GRM8: variants seen among roughly 807,000 people sequenced by gnomAD.
GRM8 encodes glutamate metabotropic receptor 8.
GRM8 carries 47 observed loss-of-function variants against 87.2 expected under a neutral mutation model. The ratio of observed to expected loss-of-function variants is 0.54; its 90% CI spans 0.43 to 0.69. GRM8 has a LOEUF of 0.69. Ranked by LOEUF, GRM8 falls within the 30% of genes least tolerant of loss-of-function variation. GRM8 has a pLI of 0.00. For synonymous variants in GRM8, 396 were observed against 404.5 expected (o/e 0.98, Z 0.25); for missense variants, 1,019 against 1,139.2 (o/e 0.89, Z 1.52).
chr7:126,458,522 A>G (rs537025515), intron 9 of GRM8, among the ~76,000 whole-genome samples: 4 of 151,440 alleles, frequency 2.6e-5, no homozygotes, highest in Admixed American at 2.6e-4. Flanking sequence ...GGATAGACAA[A>G]TCCATAACCA....
At chr7:126,794,676 G>C (rs1168922584) in intron 6 of GRM8, among the ~76,000 whole-genome samples, 2 of 152,202 alleles carry the variant, frequency 1.3e-5, no homozygotes, top group African/African-American at 4.8e-5. Context: ...AAAAGAAATA[G>C]CAGTGCTTGT....
intron 9 of GRM8, among the ~76,000 whole-genome samples, chr7:126,469,284 T>A (rs528941970): frequency 6.6e-6 from 1 of 152,172 alleles, no homozygotes; most frequent in Non-Finnish European, 1.5e-5. Context: ...AGTGAAACTA[T>A]TATCTGTATT....
chr7:126,738,525 T>C (rs1814506071), intron 7 of GRM8, among the ~76,000 whole-genome samples: 1 of 148,276 alleles, frequency 6.7e-6, no homozygotes, highest in South Asian at 2.2e-4. Flanking sequence ...AGAGAAGAAA[T>C]AGGTGTGAAG....
chr7:126,803,665 C>T (rs1195619413), intron 6 of GRM8, among the ~76,000 whole-genome samples: 2 of 152,172 alleles, frequency 1.3e-5, no homozygotes, highest in Non-Finnish European at 2.9e-5. Flanking sequence ...TATGACTCCA[C>T]AAACCAAGTA....
chr7:126,886,375 T>A (rs1045577825), intron 6 of GRM8, among the ~76,000 whole-genome samples: 1 of 152,166 alleles, frequency 6.6e-6, no homozygotes, highest in African/African-American at 2.4e-5. Context: ...TTTTCAATTT[T>A]TTCTCCTATG....
At chr7:126,536,227 A>G (rs867321711) in intron 8 of GRM8, among the ~76,000 whole-genome samples, 8 of 152,214 alleles carry the variant, frequency 5.3e-5, no homozygotes, top group African/African-American at 1.9e-4. Context: ...TTCCTTCATC[A>G]TTCTTATGGT....
In GRM8 at chr7:126,510,511, C is replaced by A. The variant is rs111806579; in HGVS notation, c.2430+22441G>T. Among the ~76,000 whole-genome samples, 1,438 of 151,856 alleles carry A rather than the reference C, an allele frequency of 9.5e-3. 26 individuals are homozygous for A. The highest frequency in any genetic ancestry group is 0.032 in the African/African-American group (1,346 of 41,430). Reference sequence around the variant, plus strand: ...TATTGAACATTTAAAATGGAAAAAACCAGAATATCTGAAGGACTTTTGAAG... The same window carrying A: ...TATTGAACATTTAAAATGGAAAAAAACAGAATATCTGAAGGACTTTTGAAG... On this transcript the variant is annotated intron_variant, in intron 9 of 10. Coordinates refer to ENST00000339582, the MANE Select transcript of GRM8 (RefSeq NM_000845.3).
intron 3 of GRM8, among the ~76,000 whole-genome samples, chr7:126,960,912 G>A (rs913756249): frequency 1.3e-5 from 2 of 152,242 alleles, no homozygotes; most frequent in South Asian, 2.1e-4. Context: ...ATTCAGCAAA[G>A]AACATTCCCA....
At chr7:126,634,701 AT>A (rs1388674135) in intron 7 of GRM8, among the ~76,000 whole-genome samples, 1 of 151,730 alleles carries the variant, frequency 6.6e-6, no homozygotes, top group African/African-American at 2.4e-5. Flanking sequence ...GAGATTGTAC[AT>A]TTTCATCATC....
At chr7:126,840,886 A>G (rs958162500) in intron 6 of GRM8, among the ~76,000 whole-genome samples, 3 of 152,366 alleles carry the variant, frequency 2.0e-5, no homozygotes, top group African/African-American at 7.2e-5. Context: ...TCTTGCCCCT[A>G]TCAGAGGAAG....
chr7:126,892,243 T>C (rs1419846051), intron 6 of GRM8, among the ~76,000 whole-genome samples: 5 of 151,962 alleles, frequency 3.3e-5, no homozygotes, highest in Admixed American at 6.6e-5. Context: ...GCTGCACCCA[T>C]TAACTCGTCA....
chr7:126,853,047 T>C (rs553237968), intron 6 of GRM8, among the ~76,000 whole-genome samples: 1 of 152,194 alleles, frequency 6.6e-6, no homozygotes. Flanking sequence ...TTGTGATGGA[T>C]GGAATGTTTC....
chr7:126,904,656 T>G lies in GRM8; in HGVS notation c.755A>C (p.Lys252Thr), dbSNP rs201597242. The change falls in exon 4 of 11, where the codon AAA becomes ACA. Residue 252 changes from lysine (K) to threonine (T), a missense_variant. Coordinates refer to ENST00000339582, the MANE Select transcript of GRM8 (RefSeq NM_000845.3). ...TCCAGGTCTTGGTTCACGTGGGATT[T>G]TCTGTGACTGAGCAATGCAAACACC... is the stretch of plus-strand genomic sequence containing the variant. Reference protein sequence around the residue: ...IGGVCIAQSQKIPREPRPGEF... With the variant: ...IGGVCIAQSQTIPREPRPGEF... 8 of 1,613,772 alleles carry G rather than the reference T, an allele frequency of 5.0e-6. No homozygotes were observed. In the Admixed American group the frequency reaches 1.0e-4, roughly 20 times the overall value.
At chr7:127,152,952 T>C (rs1401279688) in intron 2 of GRM8, among the ~76,000 whole-genome samples, 1 of 152,150 alleles carries the variant, frequency 6.6e-6, no homozygotes, top group Non-Finnish European at 1.5e-5. Flanking sequence ...GTCAATCTTA[T>C]TTGCATGAAT....
intron 8 of GRM8, among the ~76,000 whole-genome samples, chr7:126,560,463 T>C (rs1235561468): frequency 6.6e-6 from 1 of 152,136 alleles, no homozygotes; most frequent in African/African-American, 2.4e-5. Flanking sequence ...CCTTCTATTG[T>C]TATCTATAAA....
intron 2 of GRM8, among the ~76,000 whole-genome samples, chr7:127,227,865 C>T (rs1041911653): frequency 1.3e-5 from 2 of 152,192 alleles, no homozygotes. Context: ...AGTCAGACTC[C>T]ATCCTTGTAC....
chr7:127,031,298 T>C (rs919527357), intron 3 of GRM8, among the ~76,000 whole-genome samples: 1 of 152,156 alleles, frequency 6.6e-6, no homozygotes, highest in African/African-American at 2.4e-5. Flanking sequence ...TTTAAAAATG[T>C]TGGTATCATA....
intron 7 of GRM8, among the ~76,000 whole-genome samples, chr7:126,646,262 AGAAGGAAGGAAGGAAGGAAG>A (rs201279417): frequency 0.33 from 46,046 of 137,898 alleles, 8,008 homozygotes; most frequent in South Asian, 0.46. Context: ...AAGGAGGGAA[AGAAGGAAGGAAGGAAGGAAG>A]GAAGGAAGGA....
At chr7:126,970,027 G>A (rs961867468) in intron 3 of GRM8, among the ~76,000 whole-genome samples, 1 of 152,000 alleles carries the variant, frequency 6.6e-6, no homozygotes, top group African/African-American at 2.4e-5. Flanking sequence ...CAGGTCTTAA[G>A]AGTGAGCACA....
Sources: gnomAD v4.1 joint callset for allele counts (sites outside exome capture counted in the v4.1 genomes callset) on GRCh38, gnomAD v4.1.1 for gene constraint, MANE v1.5 for transcripts, NCBI Gene and HGNC (gene_info 2026-07-23, HGNC 2026-07-21) for gene names.